LRRC43: variants seen among roughly 807,000 people sequenced by gnomAD.
LRRC43 encodes leucine-rich repeat-containing protein 43.
LRRC43 carries 62 observed loss-of-function variants against 64.3 expected under a neutral mutation model. The observed-to-expected ratio is 0.96, with a 90% CI of 0.79 to 1.19. LRRC43 has a LOEUF of 1.19. Among genes scored for constraint, LRRC43 ranks in the 50% most tolerant of loss-of-function variants. The pLI is 0.00. For synonymous variants in LRRC43, 422 were observed against 382.3 expected (o/e 1.10, Z -1.21); for missense variants, 868 against 845.0 (o/e 1.03, Z -0.34).
At chr12:122,196,670 G>A (rs764702572) in intron 7 of LRRC43, among the ~76,000 whole-genome samples, 8 of 151,982 alleles carry the variant, frequency 5.3e-5, no homozygotes, top group Non-Finnish European at 7.4e-5. Flanking sequence ...TCAGGAGGCC[G>A]AGGCAGAAGA....
chr12:122,195,141 T>C (rs749335248), intron 7 of LRRC43, among the ~76,000 whole-genome samples: 32 of 152,208 alleles, frequency 2.1e-4, no homozygotes, highest in Non-Finnish European at 4.1e-4. Context: ...CAGTTTTTTC[T>C]TTCTCTTCAT....
chr12:122,172,806 A>C, intron 1 of LRRC43: 1 of 1,248,798 alleles, frequency 8.0e-7, no homozygotes, highest in Non-Finnish European at 1.1e-6. Context: ...TTAACAGTGA[A>C]TGTTTGCATG....
At chr12:122,189,616 C>T in intron 4 of LRRC43, 1 of 387,276 alleles carries the variant, frequency 2.6e-6, no homozygotes, top group South Asian at 1.9e-5. Context: ...TCCTGGGGTC[C>T]CGCCCCAGTC....
At chr12:122,186,981 C>T (rs1437417776) in intron 3 of LRRC43, among the ~76,000 whole-genome samples, 5 of 151,980 alleles carry the variant, frequency 3.3e-5, no homozygotes, top group Admixed American at 3.3e-4. Flanking sequence ...AGGCCTGAAT[C>T]CCAGCACTCT....
At chr12:122,179,258 C>A (rs1473395276), upstream of LRRC43, among the ~76,000 whole-genome samples, 1 of 152,112 alleles carries the variant, frequency 6.6e-6, no homozygotes, top group African/African-American at 2.4e-5. Context: ...TACCACCAGG[C>A]CTGGCTAACT....
chr12:122,189,668 C>T (rs1184976599), intron 4 of LRRC43: 3 of 367,210 alleles, frequency 8.2e-6, no homozygotes, highest in Admixed American at 7.1e-5. Context: ...CCGCCCAGCC[C>T]TCCAGCCTCT....
At chr12:122,172,158 A>G in intron 1 of LRRC43, 2 of 397,874 alleles carry the variant, frequency 5.0e-6, no homozygotes, top group Non-Finnish European at 9.1e-6. Context: ...ACGAGGGTAT[A>G]ATAAGTAAGA....
At chr12:122,188,706 G>T (rs1420473774) in intron 4 of LRRC43, among the ~76,000 whole-genome samples, 1 of 152,198 alleles carries the variant, frequency 6.6e-6, no homozygotes, top group East Asian at 1.9e-4. Context: ...CTCCCAAAGT[G>T]CTGGGATTAC....
At chr12:122,203,220 A>T in intron 11 of LRRC43, 95 bp from the exon 12 acceptor site, 1 of 1,376,564 alleles carries the variant, frequency 7.3e-7, no homozygotes, top group Non-Finnish European at 9.8e-7. Context: ...CCGCTGGGAC[A>T]GGGTCCAGGG....
chr12:122,200,746 G>A lies in LRRC43; in HGVS notation c.1621G>A (p.Glu541Lys). 6.2e-7 allele frequency: 1 copy of A among 1,613,144 alleles called. No individual in the cohort carries two copies. The highest frequency in any genetic ancestry group is 8.5e-7 in the Non-Finnish European group (1 of 1,180,014). The change falls in exon 10 of 12, where the codon GAG (glutamate) becomes AAG (lysine). Residue 541 changes from glutamate to lysine, a missense_variant and splice_region_variant. Physicochemically the swap from Glu to Lys is moderately conservative, Grantham distance 56. Coordinates refer to ENST00000339777, the MANE Select transcript of LRRC43 (RefSeq NM_001098519.2). This position sits in a 1 kb window ranked among gnomAD's most constrained non-coding sequence, Gnocchi z 4.6. ...TGKGEKEPAK[E>K]WKVLKKKKEP... ...CCCTCCTGTCCTCCCGTCGTCGCAG[G>A]AGTGGAAGGTGCTGAAGAAGAAGAA... is the stretch of plus-strand genomic sequence containing the variant.
At position 122,203,467 on chromosome 12, in the gene LRRC43, C is replaced by T. The variant is rs770764820; in HGVS notation, c.*25C>T. Reference sequence around the variant, plus strand: ...GGGCGTGGGCAGTAAAGGCTGTTCCCAGCACTCCCGCCTCCGCTTCTGTCC... The same window carrying T: ...GGGCGTGGGCAGTAAAGGCTGTTCCTAGCACTCCCGCCTCCGCTTCTGTCC... On this transcript the variant is annotated 3_prime_UTR_variant, in exon 12 of 12. Coordinates refer to ENST00000339777, the MANE Select transcript of LRRC43 (RefSeq NM_001098519.2). 2.3e-5 allele frequency: 36 copies of T among 1,584,784 alleles called. No individual in the cohort carries two copies. In the Middle Eastern group the frequency reaches 3.8e-3, roughly 165 times the overall value.
chr12:122,171,718 G>T (rs1285472001), intron 1 of LRRC43, among the ~76,000 whole-genome samples: 1 of 150,856 alleles, frequency 6.6e-6, no homozygotes, highest in Non-Finnish European at 1.5e-5. Flanking sequence ...TACCACCAGG[G>T]TCATTATTTC....
chr12:122,203,384 A>T lies in LRRC43; in HGVS notation c.1913A>T (p.Gln638Leu). The T allele has an allele frequency of 6.2e-7, 1 of 1,613,312 alleles. No homozygotes were observed. The highest frequency in any genetic ancestry group is 1.1e-5 in the South Asian group (1 of 90,956). ...YHPEPLTVEVQIQLNQCRSAE... is the reference protein window; with the variant it reads ...YHPEPLTVEVLIQLNQCRSAE... ...CCTGAGCCCCTGACCGTAGAGGTGC[A>T]GATCCAGCTGAACCAGTGCCGCTCG... The change falls in exon 12 of 12, where the codon CAG becomes CTG. Residue 638 changes from glutamine (Q) to leucine (L), a missense_variant. Gln to Leu is a moderately radical substitution (Grantham distance 113). Transcript: ENST00000339777.
chr12:122,189,235 A>G (rs1047843389), intron 4 of LRRC43, among the ~76,000 whole-genome samples: 8 of 152,156 alleles, frequency 5.3e-5, no homozygotes, highest in Non-Finnish European at 1.2e-4. Flanking sequence ...TCAGCAGCCC[A>G]GCAAGGATGG....
At chr12:122,198,886 G>A (rs1219766809) in intron 7 of LRRC43, among the ~76,000 whole-genome samples, 1 of 151,852 alleles carries the variant, frequency 6.6e-6, no homozygotes, top group Non-Finnish European at 1.5e-5. Context: ...GCCCACCTCG[G>A]CCTCCCAAAG....
chr12:122,189,258 C>T (rs1953684573), intron 4 of LRRC43, among the ~76,000 whole-genome samples: 1 of 152,168 alleles, frequency 6.6e-6, no homozygotes, highest in Non-Finnish European at 1.5e-5. Context: ...GGGGTAGAAC[C>T]ACCTCCCCTC....
At position 122,184,971 on chromosome 12, in the gene LRRC43, C is replaced by A. The variant is rs560003792; in HGVS notation, c.411+192C>A. ...AGGGCCGGCTACTCGGTCAGCCTTG[C>A]GTTTCTTCTTCCTTTACCCCTGGAA... On this transcript the variant is annotated intron_variant, in intron 2 of 11. Transcript: ENST00000339777. The surrounding 1 kb of genome is among the most constrained non-coding windows in gnomAD (Gnocchi z 4.0). Among the ~76,000 whole-genome samples, 1 of 152,154 alleles carries A rather than the reference C, an allele frequency of 6.6e-6. No homozygotes were observed. Among genetic ancestry groups the A allele is most frequent in the South Asian group, 2.1e-4 (1 of 4,832 alleles).
At chr12:122,178,733 A>G (rs541706687), upstream of LRRC43, among the ~76,000 whole-genome samples, 54 of 151,878 alleles carry the variant, frequency 3.6e-4, no homozygotes, top group Non-Finnish European at 6.5e-4. Flanking sequence ...CCGGGATTAC[A>G]GGCGTGAGCC....
intron 4 of LRRC43, among the ~76,000 whole-genome samples, chr12:122,188,671 C>A (rs112443259): frequency 5.9e-5 from 9 of 151,582 alleles, no homozygotes; most frequent in African/African-American, 2.2e-4. Flanking sequence ...GAACTCCTGA[C>A]CTCAAGTGAT....
Sources: allele counts gnomAD v4.1 joint callset (sites outside exome capture counted in the v4.1 genomes callset), GRCh38; gene constraint gnomAD v4.1.1; non-coding constraint Gnocchi (gnomAD v3.1); transcripts MANE v1.5; gene names NCBI Gene and HGNC (gene_info 2026-07-23, HGNC 2026-07-21).